TRPS1: variants seen among roughly 807,000 people sequenced by gnomAD.
The protein encoded by TRPS1 is zinc finger transcription factor Trps1.
In TRPS1, 6 loss-of-function variants were observed where a neutral mutation model predicts 101.2. That is an observed-to-expected ratio of 0.06 (90% CI 0.03 to 0.12). The LOEUF (loss-of-function observed/expected upper bound fraction) is 0.12. Among genes scored for constraint, TRPS1 ranks in the 10% least tolerant of loss-of-function variants. The pLI, the probability that TRPS1 is intolerant of heterozygous loss-of-function variation, is 1.00. For missense variants in TRPS1, 1,363 were observed against 1,567.0 expected (o/e 0.87, Z 2.20); for synonymous variants, 578 against 589.8 (o/e 0.98, Z 0.29).
At chr8:115,515,828 CAGTT>C (rs1815696632) in intron 5 of TRPS1, among the ~76,000 whole-genome samples, 1 of 151,306 alleles carries the variant, frequency 6.6e-6, no homozygotes, top group Non-Finnish European at 1.5e-5. Flanking sequence ...TGGTCCTTGT[CAGTT>C]AGTACTCATT....
intron 5 of TRPS1, among the ~76,000 whole-genome samples, chr8:115,523,934 G>C (rs1157509299): frequency 1.3e-5 from 2 of 152,080 alleles, no homozygotes; most frequent in East Asian, 3.9e-4. Flanking sequence ...TTCCAAAATA[G>C]TTTTAAGACT....
intron 5 of TRPS1, among the ~76,000 whole-genome samples, chr8:115,548,811 A>C (rs1437454551): frequency 2.0e-5 from 3 of 152,234 alleles, no homozygotes; most frequent in South Asian, 2.1e-4. Flanking sequence ...TTCTCAGTAT[A>C]ATCTGTGCTG....
rs768826101 is a variant in TRPS1, at chr8:115,604,826, G to A, written c.1143C>T (p.Ser381=). ...TCTCTGAAGGTTTTGCAACCTCAGA[G>A]GAGGGGAGAGAAGCTTTTATTTTGT... is the stretch of plus-strand genomic sequence containing the variant. ...HPNKIKASLP[S]SEVAKPSEKN... Residue 381 remains serine (S), a synonymous_variant, in exon 4 of 7, where the codon TCC becomes TCT. Coordinates refer to ENST00000395715, the MANE Select transcript of TRPS1 (RefSeq NM_014112.5). The surrounding 1 kb of genome is among the most constrained non-coding windows in gnomAD (Gnocchi z 4.1). 3 of 1,614,088 alleles carry A rather than the reference G, an allele frequency of 1.9e-6. No homozygotes were observed. In the South Asian group the frequency reaches 3.3e-5, roughly 18 times the overall value.
rs1283485036 is a variant in TRPS1 at position 115,619,601 on chromosome 8, T to C, written c.497A>G (p.Asp166Gly). The C allele has an allele frequency of 6.2e-7, 1 of 1,614,202 alleles. No individual in the cohort carries two copies. The highest frequency in any genetic ancestry group is 8.5e-7 in the Non-Finnish European group (1 of 1,180,036). The part of the protein sequence containing the change: ...PSGDSLETKE[D>G]QKMSPKATEE... ...TGTAGCCTTTGGTGACATCTTCTGATCTTCCTTTGTCTCCAGTGAGTCCCC... is the reference window on the plus strand; with the variant it reads ...TGTAGCCTTTGGTGACATCTTCTGACCTTCCTTTGTCTCCAGTGAGTCCCC... Residue 166 changes from aspartate to glycine, a missense_variant, in exon 3 of 7, where the codon GAT (aspartate) becomes GGT (glycine). By Grantham distance (94) the Asp-to-Gly change is moderately conservative. Coordinates refer to ENST00000395715, the MANE Select transcript of TRPS1 (RefSeq NM_014112.5).
At chr8:115,536,387 G>A (rs940041241) in intron 5 of TRPS1, among the ~76,000 whole-genome samples, 2 of 151,994 alleles carry the variant, frequency 1.3e-5, no homozygotes, top group Non-Finnish European at 2.9e-5. Context: ...GCCAGGCGTG[G>A]TGGCGGGCGC....
At chr8:115,453,031 T>C (rs1345716566) in intron 5 of TRPS1, among the ~76,000 whole-genome samples, 1 of 152,128 alleles carries the variant, frequency 6.6e-6, no homozygotes, top group Non-Finnish European at 1.5e-5. Flanking sequence ...TTTCAATTTT[T>C]TTTTTTTTGA....
At chr8:115,490,984 A>C (rs1337525514) in intron 5 of TRPS1, among the ~76,000 whole-genome samples, 1 of 152,162 alleles carries the variant, frequency 6.6e-6, no homozygotes, top group African/African-American at 2.4e-5. Flanking sequence ...CAACAACAAA[A>C]TACTGGGAGG....
At chr8:115,663,333 T>C (rs1305480881) in intron 1 of TRPS1, among the ~76,000 whole-genome samples, 1 of 151,702 alleles carries the variant, frequency 6.6e-6, no homozygotes, top group Non-Finnish European at 1.5e-5. Flanking sequence ...ATTACTTCTG[T>C]CTGTTCTTTT....
chr8:115,610,779 A>G (rs1016936582), intron 3 of TRPS1, among the ~76,000 whole-genome samples: 3 of 152,114 alleles, frequency 2.0e-5, no homozygotes, highest in African/African-American at 7.2e-5. Flanking sequence ...ATTTTTCTAT[A>G]TTATCTGGTA....
intron 1 of TRPS1, among the ~76,000 whole-genome samples, chr8:115,660,618 A>C (rs1042430178): frequency 1.3e-5 from 2 of 151,994 alleles, no homozygotes; most frequent in African/African-American, 4.8e-5. Context: ...CCCTCAAAAA[A>C]GAAAAAAAGA....
rs751048853 is a variant in TRPS1 at position 115,414,574 on chromosome 8, A to G, written c.3334T>C (p.Phe1112Leu). 1.1e-5 allele frequency: 17 copies of G among 1,613,972 alleles called. No homozygotes were observed. The highest frequency in any genetic ancestry group is 1.4e-5 in the Non-Finnish European group (17 of 1,179,954). ...KYQYPLFGLP[F>L]VHNDFQSEAD... Reference sequence around the variant, plus strand: ...TCACTCTGGAAGTCATTATGTACAAAGGGAAGTCCAAAAAGTGGGTACTGG... The same window carrying G: ...TCACTCTGGAAGTCATTATGTACAAGGGGAAGTCCAAAAAGTGGGTACTGG... The change falls in exon 7 of 7, where the codon TTT becomes CTT. Residue 1112 changes from phenylalanine (F) to leucine (L), a missense_variant. This residue lies in a region of TRPS1 where 307 missense variants were observed against 392.4 expected (regional missense o/e 0.78). Coordinates refer to ENST00000395715, the MANE Select transcript of TRPS1 (RefSeq NM_014112.5). The surrounding 1 kb of genome is among the most constrained non-coding windows in gnomAD (Gnocchi z 4.8).
chr8:115,495,883 G>C (rs11996205), intron 5 of TRPS1, among the ~76,000 whole-genome samples: 5,563 of 152,194 alleles, frequency 0.037, 373 homozygotes, highest in African/African-American at 0.13. Flanking sequence ...TAGTTCAATT[G>C]AGCAGGGTGA....
chr8:115,530,741 T>C (rs1816108722), intron 5 of TRPS1, among the ~76,000 whole-genome samples: 1 of 152,174 alleles, frequency 6.6e-6, no homozygotes, highest in South Asian at 2.1e-4. Context: ...CATGGAATAT[T>C]ATGCAGCCAT....
intron 1 of TRPS1, among the ~76,000 whole-genome samples, chr8:115,624,081 T>A (rs1030968479): frequency 1.3e-5 from 2 of 152,056 alleles, no homozygotes; most frequent in African/African-American, 4.8e-5. Context: ...ATAAAAGATC[T>A]TAATTTGTAA....
intron 6 of TRPS1, among the ~76,000 whole-genome samples, chr8:115,417,055 T>C (rs1812939495): frequency 6.6e-6 from 1 of 152,162 alleles, no homozygotes. Context: ...TCTGGAGAGA[T>C]GAATATTAAA....
chr8:115,462,821 G>A (rs941497347), intron 5 of TRPS1, among the ~76,000 whole-genome samples: 28 of 151,878 alleles, frequency 1.8e-4, no homozygotes, highest in African/African-American at 5.3e-4. Context: ...CATTTGATGC[G>A]TCCTTGAGCA....
At chr8:115,580,200 A>C (rs1002571795) in intron 5 of TRPS1, among the ~76,000 whole-genome samples, 12 of 149,924 alleles carry the variant, frequency 8.0e-5, no homozygotes, top group Admixed American at 7.3e-4. Context: ...CACTTAAGGA[A>C]AGTTTTGAAC....
At chr8:115,597,875 C>G (rs1586441665) in intron 4 of TRPS1, among the ~76,000 whole-genome samples, 1 of 152,108 alleles carries the variant, frequency 6.6e-6, no homozygotes, top group East Asian at 1.9e-4. Flanking sequence ...CTCAATTTTC[C>G]TTTAGTTTAT....
chr8:115,498,415 C>CTCTCTCTATATATATA (rs1486361297), intron 5 of TRPS1, among the ~76,000 whole-genome samples: 1 of 39,314 alleles, frequency 2.5e-5, no homozygotes, highest in Non-Finnish European at 4.4e-5. Context: ...CTCTCTCTCT[C>CTCTCTCTATATATATA]TATATATATA....
Sources: gnomAD v4.1 joint callset for allele counts (sites outside exome capture counted in the v4.1 genomes callset) on GRCh38, gnomAD v4.1.1 for gene constraint, gnomAD v4.1.1 regional missense constraint, Gnocchi (gnomAD v3.1) non-coding constraint, MANE v1.5 for transcripts, NCBI Gene and HGNC (gene_info 2026-07-23, HGNC 2026-07-21) for gene names.